Variants in IGF1R observed in about 807,000 individuals in gnomAD.
IGF1R encodes the protein insulin-like growth factor 1 receptor.
A neutral mutation model predicts 144.6 loss-of-function variants in IGF1R; 44 were observed. That is an observed-to-expected ratio of 0.30 (90% confidence interval 0.24 to 0.39). The LOEUF (loss-of-function observed/expected upper bound fraction) is 0.39, where lower values mean the gene tolerates loss of function less well. IGF1R is among the 10% of genes least tolerant of loss of function. IGF1R has a pLI of 1.00. For missense variants in IGF1R, 1,355 were observed against 1,833.7 expected, an observed-to-expected ratio of 0.74 and a Z score of 4.77; for synonymous variants, 795 against 722.8, an observed-to-expected ratio of 1.10 and a Z score of -1.60.
chr15:98,958,659 A>G lies in IGF1R; in HGVS notation c.*1217A>G. On this transcript the variant is annotated 3_prime_UTR_variant, in exon 21 of 21. Coordinates refer to ENST00000650285, the MANE Select transcript of IGF1R (RefSeq NM_000875.5). ...ACATCGTCTTTAATGTCACTTTTAT[A>G]ACTTTTTTACGGTTCAGATATTCAT... 1 of 231,852 alleles carries G rather than the reference A, an allele frequency of 4.3e-6. No homozygotes were observed. The highest frequency in any genetic ancestry group is 5.6e-5 in the Admixed American group (1 of 17,714). The allele number at this position is 231,852 out of a possible 1,614,324, so 14.4% of individuals were successfully genotyped here.
At chr15:98,744,639 G>A (rs968561253) in intron 2 of IGF1R, among the ~76,000 whole-genome samples, 1 of 152,148 alleles carries the variant, frequency 6.6e-6, no homozygotes, top group Non-Finnish European at 1.5e-5. Flanking sequence ...GACAGAAGGG[G>A]AGAGCTCCAG....
At chr15:98,834,803 T>C (rs1163505657) in intron 2 of IGF1R, among the ~76,000 whole-genome samples, 1 of 152,128 alleles carries the variant, frequency 6.6e-6, no homozygotes, top group Non-Finnish European at 1.5e-5. Context: ...AGGGCATCCT[T>C]ATAAACGAGC....
chr15:98,768,797 G>A (rs1191296447), intron 2 of IGF1R, among the ~76,000 whole-genome samples: 1 of 149,542 alleles, frequency 6.7e-6, no homozygotes, highest in Non-Finnish European at 1.5e-5. Flanking sequence ...GCGCGGTGCC[G>A]GGCGCCTGTA....
At chr15:98,682,383 CTG>C (rs2053213273) in intron 1 of IGF1R, among the ~76,000 whole-genome samples, 1 of 152,144 alleles carries the variant, frequency 6.6e-6, no homozygotes, top group African/African-American at 2.4e-5. Context: ...AGAAGCATAT[CTG>C]TGCTCCGAGA....
chr15:98,848,992 A>T (rs1002449230), intron 2 of IGF1R, among the ~76,000 whole-genome samples: 6 of 152,260 alleles, frequency 3.9e-5, no homozygotes, highest in Non-Finnish European at 8.8e-5. Flanking sequence ...AGATGGCAAG[A>T]TGTCAGTTCT....
At position 98,891,454 on chromosome 15, in the gene IGF1R, C is replaced by T. The variant is rs577508225; in HGVS notation, c.770C>T (p.Ala257Val). Residue 257 changes from alanine to valine, a missense_variant, in exon 3 of 21, where the codon GCC (alanine) becomes GTC (valine). By Grantham distance (64) the Ala-to-Val change is moderately conservative. This residue lies in a region of IGF1R where 880 missense variants were observed against 1,202.7 expected (regional missense o/e 0.73). Coordinates refer to ENST00000650285, the MANE Select transcript of IGF1R (RefSeq NM_000875.5). This position sits in a 1 kb window ranked among gnomAD's most constrained non-coding sequence, Gnocchi z 4.7. Reference protein sequence around the residue: ...ACVACRHYYYAGVCVPACPPN... With the variant: ...ACVACRHYYYVGVCVPACPPN... ...GTAGCTTGCCGCCACTACTACTATG[C>T]CGGTGTCTGTGTGCCTGCCTGCCCG... 1.2e-4 allele frequency: 194 copies of T among 1,614,064 alleles called. 4 individuals carry two copies. The South Asian group carries it at 1.9e-3, about 16-fold the overall frequency.
intron 2 of IGF1R, among the ~76,000 whole-genome samples, chr15:98,775,756 A>T: frequency 6.6e-6 from 1 of 152,160 alleles, no homozygotes. Flanking sequence ...GTTAAAGCTC[A>T]CAGGGCTGGG....
intron 2 of IGF1R, among the ~76,000 whole-genome samples, chr15:98,717,019 G>A (rs1399589367): frequency 6.6e-6 from 1 of 152,160 alleles, no homozygotes; most frequent in Admixed American, 6.5e-5. Flanking sequence ...TCCACATGCG[G>A]ATGTACAGCT....
chr15:98,771,987 A>G (rs1003438033), intron 2 of IGF1R, among the ~76,000 whole-genome samples: 10 of 151,932 alleles, frequency 6.6e-5, no homozygotes, highest in African/African-American at 2.4e-4. Context: ...CTCTAGCAGT[A>G]TGTTTATAGC....
intron 10 of IGF1R, among the ~76,000 whole-genome samples, chr15:98,919,238 G>A (rs534678423): frequency 7.9e-5 from 12 of 152,248 alleles, no homozygotes; most frequent in Admixed American, 7.2e-4. Flanking sequence ...GTTGCTTCTC[G>A]TGGTCCTTTC....
chr15:98,748,090 A>G (rs946937422), intron 2 of IGF1R, among the ~76,000 whole-genome samples: 1 of 152,238 alleles, frequency 6.6e-6, no homozygotes, highest in Non-Finnish European at 1.5e-5. Context: ...TCTTATTTCT[A>G]TCAGAGAAAT....
At chr15:98,944,006 A>G (rs2016461331) in intron 19 of IGF1R, among the ~76,000 whole-genome samples, 1 of 152,210 alleles carries the variant, frequency 6.6e-6, no homozygotes, top group Non-Finnish European at 1.5e-5. Context: ...CTTAAGCTCA[A>G]GTATGAGATC....
chr15:98,696,406 T>C (rs2053599275), intron 1 of IGF1R, among the ~76,000 whole-genome samples: 1 of 152,218 alleles, frequency 6.6e-6, no homozygotes, highest in South Asian at 2.1e-4. Context: ...GTAGGGTAAA[T>C]TGAACATTTA....
At chr15:98,662,050 C>T (rs1596152146) in intron 1 of IGF1R, among the ~76,000 whole-genome samples, 1 of 148,860 alleles carries the variant, frequency 6.7e-6, no homozygotes, top group African/African-American at 2.5e-5. Flanking sequence ...GCAACCTCTG[C>T]CTTACTGCAA....
chr15:98,651,877 C>G (rs781247606), intron 1 of IGF1R, among the ~76,000 whole-genome samples: 49 of 150,974 alleles, frequency 3.2e-4, no homozygotes, highest in African/African-American at 1.2e-3. Flanking sequence ...CTCCCTCCAT[C>G]TCTGAAATGT....
chr15:98,758,774 A>G (rs1236322659), intron 2 of IGF1R, among the ~76,000 whole-genome samples: 1 of 152,202 alleles, frequency 6.6e-6, no homozygotes, highest in African/African-American at 2.4e-5. Context: ...AGCTCATTAG[A>G]TTACTGTCCT....
chr15:98,881,111 G>T (rs1301014663), intron 2 of IGF1R, among the ~76,000 whole-genome samples: 1 of 152,172 alleles, frequency 6.6e-6, no homozygotes, highest in Non-Finnish European at 1.5e-5. Flanking sequence ...GTGGGTACGT[G>T]TTATCTCCTT....
chr15:98,661,254 T>C (rs6598539), intron 1 of IGF1R, among the ~76,000 whole-genome samples: 88,742 of 151,958 alleles, frequency 0.58, 27,217 homozygotes, highest in African/African-American at 0.78. Flanking sequence ...AAGCACCCTC[T>C]CCAACCCTGC....
chr15:98,948,370 T>C (rs1742485998), intron 19 of IGF1R, among the ~76,000 whole-genome samples: 1 of 152,190 alleles, frequency 6.6e-6, no homozygotes, highest in Non-Finnish European at 1.5e-5. Context: ...CGGGGCTGAA[T>C]TTAGTTTACG....
Sources: allele counts gnomAD v4.1 joint callset (sites outside exome capture counted in the v4.1 genomes callset), GRCh38; gene constraint gnomAD v4.1.1; regional missense constraint gnomAD v4.1.1; non-coding constraint Gnocchi (gnomAD v3.1); transcripts MANE v1.5; gene names NCBI Gene and HGNC (gene_info 2026-07-23, HGNC 2026-07-21).